KPNA6: variants seen among roughly 807,000 people sequenced by gnomAD.
The protein encoded by KPNA6 is importin subunit alpha-7.
A neutral mutation model predicts 72.0 loss-of-function variants in KPNA6; 9 were observed. That is an observed-to-expected ratio of 0.13 (90% CI 0.08 to 0.22). KPNA6 has a LOEUF of 0.22. Among genes scored for constraint, KPNA6 ranks in the 10% least tolerant of loss-of-function variants. The pLI, the probability that KPNA6 is intolerant of heterozygous loss-of-function variation, is 1.00. For synonymous variants in KPNA6, 219 were observed against 242.1 expected, an observed-to-expected ratio of 0.90 and a Z score of 0.89; for missense variants, 374 against 655.7, an observed-to-expected ratio of 0.57 and a Z score of 4.69.
intron 1 of KPNA6, among the ~76,000 whole-genome samples, chr1:32,147,830 T>A (rs1451741707): frequency 1.3e-5 from 2 of 151,542 alleles, no homozygotes; most frequent in Non-Finnish European, 1.5e-5. Flanking sequence ...CAGCTAATTT[T>A]TGTACTTTTT....
intron 1 of KPNA6, among the ~76,000 whole-genome samples, chr1:32,153,083 GAAA>G (rs1642066045): frequency 6.8e-6 from 1 of 146,664 alleles, no homozygotes; most frequent in Non-Finnish European, 1.5e-5. Flanking sequence ...ACTTAAATTA[GAAA>G]AAATGTAGAA....
intron 1 of KPNA6, among the ~76,000 whole-genome samples, chr1:32,133,417 A>G (rs957529602): frequency 6.6e-6 from 1 of 150,740 alleles, no homozygotes; most frequent in South Asian, 2.1e-4. Flanking sequence ...GCAGTGGTTC[A>G]TACCTGTAAT....
At position 32,173,729 on chromosome 1, in the gene KPNA6, C is replaced by T. The variant is rs1254622500; in HGVS notation, c.*2835C>T. On this transcript the variant is annotated 3_prime_UTR_variant, in exon 14 of 14. Transcript: ENST00000373625. ...GGACAGTCTTCATCTAGATTCCATA[C>T]CCTGGCCTAGGCGAGGTAAGGCTCT... 1.3e-5 allele frequency: 2 copies of T among 152,226 alleles called. No individual in the cohort carries two copies. The highest frequency in any genetic ancestry group is 4.1e-4 in the South Asian group (2 of 4,824). 9.4% of individuals were successfully genotyped at this position (152,226 alleles called of 1,614,324 possible).
At chr1:32,126,073 AT>A (rs1553126766) in intron 1 of KPNA6, among the ~76,000 whole-genome samples, 1 of 144,678 alleles carries the variant, frequency 6.9e-6, no homozygotes, top group Non-Finnish European at 1.5e-5. Context: ...GTTTGTAGAG[AT>A]TGGGTCTTGC....
chr1:32,152,105 G>T lies in KPNA6; in HGVS notation c.5-2483G>T, dbSNP rs149385910. Among the ~76,000 whole-genome samples the T allele has an allele frequency of 3.3e-5, 5 of 152,126 alleles. No homozygotes were observed. In the South Asian group the frequency reaches 8.3e-4, roughly 25 times the overall value. ...AGCACTTTGGGAGGCTGAGGCAGGG[G>T]GATTGTTGAGGACAGGAGTTCAAGA... On this transcript the variant is annotated intron_variant, in intron 1 of 13. Transcript: ENST00000373625.
At chr1:32,118,676 C>T (rs1238020714) in intron 1 of KPNA6, among the ~76,000 whole-genome samples, 1 of 151,844 alleles carries the variant, frequency 6.6e-6, no homozygotes, top group East Asian at 1.9e-4. Flanking sequence ...CCTGTACTCC[C>T]AGCTACATGG....
rs1327048879 is a variant in KPNA6, at chr1:32,158,245, TTTTCCCTTCTCCC to T, written c.332-19_332-7del. The T allele has an allele frequency of 6.5e-7, 1 of 1,542,656 alleles. No homozygotes were observed. Among genetic ancestry groups the T allele is most frequent in the Non-Finnish European group, 8.9e-7 (1 of 1,118,648 alleles). ...AGCAAAAGCTTCTCCTGTGTTTTTA[TTTTCCCTTCTCCC>T]TTATCCAGAGCCTAGTCCTCCAATA... is the stretch of plus-strand genomic sequence containing the variant. On this transcript the variant is annotated splice_polypyrimidine_tract_variant and intron_variant, in intron 4 of 13. Coordinates refer to ENST00000373625, the MANE Select transcript of KPNA6 (RefSeq NM_012316.5).
At chr1:32,144,221 A>G (rs901349627) in intron 1 of KPNA6, among the ~76,000 whole-genome samples, 8 of 152,234 alleles carry the variant, frequency 5.3e-5, no homozygotes, top group African/African-American at 1.9e-4. Flanking sequence ...AAACACTGCA[A>G]TATCTGCTAC....
chr1:32,130,914 G>T (rs1641625045), intron 1 of KPNA6, among the ~76,000 whole-genome samples: 1 of 152,014 alleles, frequency 6.6e-6, no homozygotes, highest in Non-Finnish European at 1.5e-5. Context: ...AATTAATTTG[G>T]ACCCCTGCCT....
chr1:32,133,720 G>GA (rs977604327), intron 1 of KPNA6, among the ~76,000 whole-genome samples: 1 of 151,940 alleles, frequency 6.6e-6, no homozygotes, highest in African/African-American at 2.4e-5. Context: ...AGTGCTGAAA[G>GA]AAAAACCGTC....
At chr1:32,166,851 T>C (rs919908087) in intron 11 of KPNA6, among the ~76,000 whole-genome samples, 1 of 151,050 alleles carries the variant, frequency 6.6e-6, no homozygotes, top group African/African-American at 2.4e-5. Context: ...GGCAGGAGAA[T>C]GGCGTGAACC....
In KPNA6 at chr1:32,154,569, T is replaced by C; in HGVS notation, c.5-19T>C. On this transcript the variant is annotated intron_variant, in intron 1 of 13. Coordinates refer to ENST00000373625, the MANE Select transcript of KPNA6 (RefSeq NM_012316.5). ...CTGTCCTCTCAAGAGTTTTTGGCAGTGTGTATCTTTTCTTCTAGAGACCAT... is the reference window on the plus strand; with the variant it reads ...CTGTCCTCTCAAGAGTTTTTGGCAGCGTGTATCTTTTCTTCTAGAGACCAT... 1 of 1,610,656 alleles carries C rather than the reference T, an allele frequency of 6.2e-7. No individual in the cohort carries two copies. The highest frequency in any genetic ancestry group is 8.5e-7 in the Non-Finnish European group (1 of 1,178,344).
At chr1:32,114,179 C>T (rs1222278676) in intron 1 of KPNA6, among the ~76,000 whole-genome samples, 2 of 152,060 alleles carry the variant, frequency 1.3e-5, no homozygotes, top group South Asian at 4.1e-4. Context: ...ATGGCTCACA[C>T]CTGTAACCCC....
At chr1:32,118,732 C>T (rs1028554900) in intron 1 of KPNA6, among the ~76,000 whole-genome samples, 2 of 151,792 alleles carry the variant, frequency 1.3e-5, no homozygotes, top group African/African-American at 4.8e-5. Flanking sequence ...TTTGAGGTTG[C>T]AGTGAGTTAT....
chr1:32,138,386 A>T (rs2124004414), intron 1 of KPNA6, among the ~76,000 whole-genome samples: 1 of 151,744 alleles, frequency 6.6e-6, no homozygotes. Flanking sequence ...TCTACTAAAA[A>T]TACAAAATTA....
chr1:32,146,425 A>G (rs1362353994), intron 1 of KPNA6, among the ~76,000 whole-genome samples: 1 of 151,844 alleles, frequency 6.6e-6, no homozygotes, highest in Non-Finnish European at 1.5e-5. Context: ...AGCTCTCTTT[A>G]TTCCCTTCTC....
At chr1:32,144,894 C>T (rs575297713) in intron 1 of KPNA6, among the ~76,000 whole-genome samples, 1 of 152,062 alleles carries the variant, frequency 6.6e-6, no homozygotes, top group South Asian at 2.1e-4. Context: ...AATCTCCCCA[C>T]CTCAGCCTCC....
intron 1 of KPNA6, among the ~76,000 whole-genome samples, chr1:32,150,914 C>G (rs1642020404): frequency 6.6e-6 from 1 of 152,076 alleles, no homozygotes; most frequent in African/African-American, 2.4e-5. Context: ...CGTGAGCCAC[C>G]ACGCCCCGGC....
At chr1:32,150,004 T>C (rs985883249) in intron 1 of KPNA6, among the ~76,000 whole-genome samples, 6 of 152,154 alleles carry the variant, frequency 3.9e-5, no homozygotes, top group Admixed American at 3.9e-4. Context: ...TTTAAGATTT[T>C]ATCTATCGCT....
Sources: allele counts gnomAD v4.1 joint callset (sites outside exome capture counted in the v4.1 genomes callset), GRCh38; gene constraint gnomAD v4.1.1; transcripts MANE v1.5; gene names NCBI Gene and HGNC (gene_info 2026-07-23, HGNC 2026-07-21).